The following SMURF2 variants were observed in gnomAD, a reference collection of about 807,000 sequenced individuals.
The protein encoded by SMURF2 is SMAD specific E3 ubiquitin protein ligase 2, also known as E3 ubiquitin-protein ligase SMURF2.
Under a neutral mutation model 109.6 loss-of-function variants are expected in SMURF2, and 48 were observed. The observed-to-expected ratio is 0.44, with a 90% CI of 0.35 to 0.56. The LOEUF (loss-of-function observed/expected upper bound fraction) is 0.56. Among genes scored for constraint, SMURF2 ranks in the 20% least tolerant of loss-of-function variants. The probability of loss-of-function intolerance (pLI) is 0.01; values close to 1 mark genes in which losing one functional copy is unlikely to be tolerated. For missense variants in SMURF2, 575 were observed against 909.0 expected, an observed-to-expected ratio of 0.63 and a Z score of 4.72; for synonymous variants, 288 against 317.1, an observed-to-expected ratio of 0.91 and a Z score of 0.97.
At chr17:64,552,761 T>C (rs1555683728) in intron 15 of SMURF2, among the ~76,000 whole-genome samples, 1 of 152,168 alleles carries the variant, frequency 6.6e-6, no homozygotes, top group Non-Finnish European at 1.5e-5. Context: ...TGGAATACAG[T>C]GGTGCGATCT....
chr17:64,625,377 TAACA>T (rs1352674087), intron 1 of SMURF2, among the ~76,000 whole-genome samples: 1 of 152,248 alleles, frequency 6.6e-6, no homozygotes, highest in Non-Finnish European at 1.5e-5. Flanking sequence ...CCCAAATCAT[TAACA>T]TTTTACAAGT....
intron 1 of SMURF2, among the ~76,000 whole-genome samples, chr17:64,613,963 A>G (rs1247670504): frequency 6.6e-6 from 1 of 152,050 alleles, no homozygotes; most frequent in Non-Finnish European, 1.5e-5. Context: ...ATCATCAGGC[A>G]TTAGATTCTT....
At chr17:64,592,034 T>C (rs558538134) in intron 4 of SMURF2, among the ~76,000 whole-genome samples, 14 of 152,360 alleles carry the variant, frequency 9.2e-5, no homozygotes, top group Non-Finnish European at 1.2e-4. Flanking sequence ...ACAGACATTT[T>C]TCCCTTTGCA....
At chr17:64,564,200 C>T (rs1392507292) in intron 10 of SMURF2, among the ~76,000 whole-genome samples, 5 of 151,964 alleles carry the variant, frequency 3.3e-5, no homozygotes, top group Admixed American at 2.0e-4. Context: ...TCTGTCATAG[C>T]GAAAGACTGG....
chr17:64,599,610 G>A (rs1188665485), intron 2 of SMURF2, among the ~76,000 whole-genome samples: 2 of 152,192 alleles, frequency 1.3e-5, no homozygotes, highest in African/African-American at 4.8e-5. Context: ...CAGATCAGCG[G>A]CAGCATTAGA....
At chr17:64,627,753 T>C (rs1970286889) in intron 1 of SMURF2, among the ~76,000 whole-genome samples, 1 of 152,208 alleles carries the variant, frequency 6.6e-6, no homozygotes, top group Admixed American at 6.5e-5. Flanking sequence ...ATGTATGCTA[T>C]AGACCATCTC....
intron 1 of SMURF2, among the ~76,000 whole-genome samples, chr17:64,656,844 C>A: frequency 1.3e-5 from 2 of 152,132 alleles, no homozygotes; most frequent in East Asian, 3.8e-4. Context: ...ATCCTCCATA[C>A]TGCTCCCAGA....
At position 64,555,829 on chromosome 17, in the gene SMURF2, A is replaced by G. The variant is rs1555683984; in HGVS notation, c.1601T>C (p.Val534Ala). Residue 534 changes from valine to alanine, a missense_variant, in exon 14 of 19, where the codon GTG becomes GCG. Val to Ala is a moderately conservative substitution (Grantham distance 64). This residue lies in a region of SMURF2 where 361 missense variants were observed against 612.1 expected (regional missense o/e 0.59). Coordinates refer to ENST00000262435, the MANE Select transcript of SMURF2 (RefSeq NM_022739.4). ...LVDPDLHNSL[V>A]WILENDITGV... ...AAGACTCAATACATACAGTATCCAC[A>G]CTAAACTGTTGTGAAGATCCGGATC... The G allele has an allele frequency of 6.2e-7, 1 of 1,609,594 alleles. No homozygotes were observed. Among genetic ancestry groups the G allele is most frequent in the African/African-American group, 1.3e-5 (1 of 74,806 alleles).
chr17:64,576,067 T>C (rs1156980235), intron 9 of SMURF2, among the ~76,000 whole-genome samples: 1 of 151,734 alleles, frequency 6.6e-6, no homozygotes, highest in African/African-American at 2.4e-5. Flanking sequence ...TAGCGGGGTA[T>C]TGTGGCGCAT....
chr17:64,556,381 C>T (rs1220033063), intron 13 of SMURF2, among the ~76,000 whole-genome samples: 1 of 151,172 alleles, frequency 6.6e-6, no homozygotes, highest in East Asian at 1.9e-4. Flanking sequence ...ACTTCCTTGA[C>T]CTAACCAGAA....
At position 64,601,940 on chromosome 17, in the gene SMURF2, T is replaced by C. The variant is rs535450666; in HGVS notation, c.92-3450A>G. On this transcript the variant is annotated intron_variant, in intron 2 of 18. Coordinates refer to ENST00000262435, the MANE Select transcript of SMURF2 (RefSeq NM_022739.4). ...TTATATGTGTGTGTATATATATATA[T>C]ACACACCTACATATACACACACACA... Among the ~76,000 whole-genome samples the C allele has an allele frequency of 2.7e-3, 394 of 147,966 alleles. 3 individuals are homozygous for C. The highest frequency in any genetic ancestry group is 9.3e-3 in the African/African-American group (368 of 39,734).
chr17:64,588,091 CAAAAAAA>C (rs375759315), intron 5 of SMURF2, among the ~76,000 whole-genome samples: 5 of 68,894 alleles, frequency 7.3e-5, no homozygotes, highest in Non-Finnish European at 1.3e-4. Context: ...GTTTATGGTC[CAAAAAAA>C]AAAAAAAAAA....
rs539191180 is a variant in SMURF2, at chr17:64,626,253, G to A, written c.53-19613C>T. 1.5e-3 allele frequency among the ~76,000 whole-genome samples: 219 copies of A among 144,070 alleles called. 7 individuals are homozygous for A. The highest frequency in any genetic ancestry group is 0.014 in the Admixed American group (202 of 13,962). 94.5% of individuals were successfully genotyped at this position (144,070 alleles called of 152,430 possible). ...CAGGCTGGGTGACAGAGTGAGACAC[G>A]GTCTCAAAAAAAAAAAAAAAACAAA... On this transcript the variant is annotated intron_variant, in intron 1 of 18. Transcript: ENST00000262435.
At chr17:64,646,751 G>A (rs971505351) in intron 1 of SMURF2, among the ~76,000 whole-genome samples, 1 of 152,266 alleles carries the variant, frequency 6.6e-6, no homozygotes, top group South Asian at 2.1e-4. Flanking sequence ...AAACTACAGA[G>A]AGAAATATGC....
chr17:64,547,256 T>C lies in SMURF2; in HGVS notation c.2071+344A>G, dbSNP rs1459685270. On this transcript the variant is annotated intron_variant, in intron 17 of 18. Coordinates refer to ENST00000262435, the MANE Select transcript of SMURF2 (RefSeq NM_022739.4). This position sits in a 1 kb window ranked among gnomAD's most constrained non-coding sequence, Gnocchi z 4.2. ...AGAGGGGAGAGGCATCCCAGGCAGG[T>C]AAACGTTTCACCAGGTCAAGATGTG... is the stretch of plus-strand genomic sequence containing the variant. Among the ~76,000 whole-genome samples, 2 of 152,070 alleles carry C rather than the reference T, an allele frequency of 1.3e-5. No homozygotes were observed. The highest frequency in any genetic ancestry group is 2.9e-5 in the Non-Finnish European group (2 of 68,006).
chr17:64,581,451 C>T lies in SMURF2; in HGVS notation c.570-460G>A, dbSNP rs1225425898. ...TGGCATATTCTTTTCTCCTACTCTC[C>T]CTAGGCCTGGCTCTTTTTTGTCATT... On this transcript the variant is annotated intron_variant, in intron 7 of 18. Transcript: ENST00000262435. This position sits in a 1 kb window ranked among gnomAD's most constrained non-coding sequence, Gnocchi z 4.3. Among the ~76,000 whole-genome samples the T allele has an allele frequency of 2.0e-5, 3 of 152,060 alleles. No homozygotes were observed. Among genetic ancestry groups the T allele is most frequent in the Non-Finnish European group, 4.4e-5 (3 of 68,012 alleles).
intron 1 of SMURF2, among the ~76,000 whole-genome samples, chr17:64,617,065 T>TAAAAAAA (rs35408397): frequency 2.1e-5 from 1 of 48,496 alleles, no homozygotes; most frequent in African/African-American, 8.4e-5. Flanking sequence ...AGACCTTGTC[T>TAAAAAAA]AAAAAAAAAA....
chr17:64,637,189 C>T (rs1474978204), intron 1 of SMURF2, among the ~76,000 whole-genome samples: 2 of 150,996 alleles, frequency 1.3e-5, no homozygotes, highest in East Asian at 1.9e-4. Flanking sequence ...TGCAGTGGCA[C>T]GGTCTCGGCT....
At chr17:64,565,609 A>C (rs1324432355) in intron 10 of SMURF2, among the ~76,000 whole-genome samples, 1 of 149,500 alleles carries the variant, frequency 6.7e-6, no homozygotes, top group African/African-American at 2.5e-5. Context: ...CAAAACATGA[A>C]GGGAAAAAAA....
Sources: gnomAD v4.1 joint callset for allele counts (sites outside exome capture counted in the v4.1 genomes callset) on GRCh38, gnomAD v4.1.1 for gene constraint, gnomAD v4.1.1 regional missense constraint, Gnocchi (gnomAD v3.1) non-coding constraint, MANE v1.5 for transcripts, NCBI Gene and HGNC (gene_info 2026-07-23, HGNC 2026-07-21) for gene names.